Variants in NAV2 observed in about 807,000 individuals in gnomAD.
The protein encoded by NAV2 is neuron navigator 2, also known as helicase, APC down-regulated 1.
A neutral mutation model predicts 223.2 loss-of-function variants in NAV2; 54 were observed. That is an observed-to-expected ratio of 0.24 (90% confidence interval 0.19 to 0.30). The LOEUF (loss-of-function observed/expected upper bound fraction) is 0.30, where lower values mean the gene tolerates loss of function less well. NAV2 is among the 10% of genes least tolerant of loss of function. NAV2 has a pLI of 1.00. For missense variants in NAV2, 2,806 were observed against 3,147.5 expected (o/e 0.89, Z 2.60); for synonymous variants, 1,279 against 1,239.3 (o/e 1.03, Z -0.67).
intron 4 of NAV2, among the ~76,000 whole-genome samples, chr11:19,877,449 C>A (rs1310678752): frequency 7.5e-6 from 1 of 133,390 alleles, no homozygotes; most frequent in Non-Finnish European, 1.6e-5. Context: ...CATGTCAGAC[C>A]TTGCTTGGCT....
chr11:19,980,265 C>G (rs1182116646), intron 10 of NAV2, among the ~76,000 whole-genome samples: 1 of 152,178 alleles, frequency 6.6e-6, no homozygotes, highest in Non-Finnish European at 1.5e-5. Context: ...CTCCACCCAC[C>G]TATCATGGCA....
chr11:19,582,851 G>T (rs1327796281), intron 1 of NAV2, among the ~76,000 whole-genome samples: 1 of 152,124 alleles, frequency 6.6e-6, no homozygotes, highest in Non-Finnish European at 1.5e-5. Flanking sequence ...GATTGACTTG[G>T]CAATGCGGGC....
intron 6 of NAV2, among the ~76,000 whole-genome samples, chr11:19,919,309 G>A (rs2044071156): frequency 6.6e-6 from 1 of 150,922 alleles, no homozygotes; most frequent in Non-Finnish European, 1.5e-5. Context: ...CATGCACGTG[G>A]GTGAGAAGCT....
intron 1 of NAV2, among the ~76,000 whole-genome samples, chr11:19,786,574 A>G (rs1337359498): frequency 1.3e-5 from 2 of 152,174 alleles, no homozygotes; most frequent in Non-Finnish European, 2.9e-5. Context: ...GTAAGTTGGG[A>G]CCCCATAAGA....
At chr11:20,034,389 T>A (rs530156164) in intron 11 of NAV2, among the ~76,000 whole-genome samples, 141 of 150,108 alleles carry the variant, frequency 9.4e-4, no homozygotes, top group African/African-American at 3.3e-3. Flanking sequence ...TGTTTGTTTG[T>A]TTGTTTTTGA....
chr11:20,109,953 C>T (rs772526690), intron 36 of NAV2, among the ~76,000 whole-genome samples: 2 of 152,226 alleles, frequency 1.3e-5, no homozygotes, highest in Non-Finnish European at 2.9e-5. Context: ...CAAGGCCCTG[C>T]TCCTTTGGAC....
chr11:19,685,700 C>A (rs1302315734), intron 1 of NAV2, among the ~76,000 whole-genome samples: 1 of 152,140 alleles, frequency 6.6e-6, no homozygotes, highest in Non-Finnish European at 1.5e-5. Context: ...CTGGATCTAG[C>A]TCTGACTCTT....
intron 4 of NAV2, among the ~76,000 whole-genome samples, chr11:19,877,617 C>T (rs559554643): frequency 8.6e-5 from 13 of 151,776 alleles, no homozygotes; most frequent in South Asian, 8.4e-4. Context: ...GGACCACACG[C>T]GCCCGCCACC....
chr11:19,731,206 C>T (rs1395512310), intron 1 of NAV2, among the ~76,000 whole-genome samples: 11 of 152,292 alleles, frequency 7.2e-5, no homozygotes, highest in Middle Eastern at 3.4e-3. Context: ...GCCCACCCTC[C>T]ACCTCCCATT....
intron 10 of NAV2, among the ~76,000 whole-genome samples, 173 bp from the exon 11 acceptor site, chr11:19,983,952 G>T (rs2033493413): frequency 6.6e-6 from 1 of 152,122 alleles, no homozygotes; most frequent in South Asian, 2.1e-4. Flanking sequence ...CCTCTAGGTT[G>T]GATCAGCAGC....
In NAV2 at chr11:19,713,287, C is replaced by T; in HGVS notation, c.-409C>T. 1 of 1,020,120 alleles carries T rather than the reference C, an allele frequency of 9.8e-7. No individual in the cohort carries two copies. Among genetic ancestry groups the T allele is most frequent in the Non-Finnish European group, 1.2e-6 (1 of 853,678 alleles). The allele number at this position is 1,020,120 out of a possible 1,614,324, so 63.2% of individuals were successfully genotyped here. ...AACGGGACTCGTGGGTCGCCGCCGC[C>T]TCTGTCTCTTCCAAAGGGGCCTCCT... On this transcript the variant is annotated 5_prime_UTR_variant, in exon 1 of 38. Coordinates refer to ENST00000349880, the MANE Select transcript of NAV2 (RefSeq NM_145117.5). The surrounding 1 kb of genome is among the most constrained non-coding windows in gnomAD (Gnocchi z 7.2).
intron 1 of NAV2, among the ~76,000 whole-genome samples, chr11:19,614,062 C>G (rs16937052): frequency 0.05 from 7,560 of 152,162 alleles, 412 homozygotes; most frequent in African/African-American, 0.13. Context: ...AAAAAGCTTT[C>G]AGAACTGCAG....
At chr11:19,943,143 TAATC>T (rs958611291) in intron 8 of NAV2, among the ~76,000 whole-genome samples, 17 of 152,202 alleles carry the variant, frequency 1.1e-4, no homozygotes, top group African/African-American at 2.9e-4. Context: ...CTTAGCTTCA[TAATC>T]AATATTTTCT....
intron 1 of NAV2, among the ~76,000 whole-genome samples, chr11:19,471,315 T>C (rs2041958346): frequency 6.6e-6 from 1 of 152,190 alleles, no homozygotes; most frequent in African/African-American, 2.4e-5. Flanking sequence ...AATACTCACA[T>C]CAGCAGGTGG....
At chr11:19,805,393 T>C (rs949596225) in intron 1 of NAV2, among the ~76,000 whole-genome samples, 1 of 151,740 alleles carries the variant, frequency 6.6e-6, no homozygotes, top group African/African-American at 2.4e-5. Flanking sequence ...GTCTCAGTCC[T>C]CTAGGAATGA....
intron 4 of NAV2, among the ~76,000 whole-genome samples, chr11:19,872,873 C>T (rs1326462681): frequency 6.6e-6 from 1 of 152,200 alleles, no homozygotes; most frequent in East Asian, 1.9e-4. Context: ...GTCAGTTTTC[C>T]TGAAGATTGA....
chr11:19,347,354 T>C (rs1853064362), upstream of NAV2, among the ~76,000 whole-genome samples: 1 of 152,160 alleles, frequency 6.6e-6, no homozygotes, highest in Non-Finnish European at 1.5e-5. Context: ...ACTAGGAAGC[T>C]TTTTCCTGTA....
intron 1 of NAV2, among the ~76,000 whole-genome samples, chr11:19,813,868 C>T (rs1453146608): frequency 6.6e-6 from 1 of 152,122 alleles, no homozygotes; most frequent in Non-Finnish European, 1.5e-5. Flanking sequence ...AAGCAACCTC[C>T]AGGGATGTTG....
intron 1 of NAV2, among the ~76,000 whole-genome samples, chr11:19,579,062 G>T (rs530421316): frequency 1.3e-5 from 2 of 152,292 alleles, no homozygotes; most frequent in East Asian, 1.9e-4. Context: ...GACAAAAAAA[G>T]AAATCTCTCC....
Sources: allele counts gnomAD v4.1 joint callset (sites outside exome capture counted in the v4.1 genomes callset), GRCh38; gene constraint gnomAD v4.1.1; non-coding constraint Gnocchi (gnomAD v3.1); transcripts MANE v1.5; gene names NCBI Gene and HGNC (gene_info 2026-07-23, HGNC 2026-07-21).